The following MAPKAP1 variants were observed in gnomAD, a reference collection of about 807,000 sequenced individuals.
The protein encoded by MAPKAP1 is MAPK associated protein 1, also known as target of rapamycin complex 2 subunit MAPKAP1.
Under a neutral mutation model 65.7 loss-of-function variants are expected in MAPKAP1, and 20 were observed. That is an observed-to-expected ratio of 0.30 (90% confidence interval 0.21 to 0.44). The LOEUF (loss-of-function observed/expected upper bound fraction) is 0.44, where lower values mean the gene tolerates loss of function less well. Among genes scored for constraint, MAPKAP1 ranks in the 20% least tolerant of loss-of-function variants. MAPKAP1 has a pLI of 1.00. For missense variants in MAPKAP1, 423 were observed against 648.0 expected, an observed-to-expected ratio of 0.65 and a Z score of 3.77; for synonymous variants, 222 against 244.3, an observed-to-expected ratio of 0.91 and a Z score of 0.85.
chr9:125,573,496 C>T (rs1019794319), intron 5 of MAPKAP1, among the ~76,000 whole-genome samples: 15 of 152,248 alleles, frequency 9.9e-5, no homozygotes, highest in Non-Finnish European at 1.8e-4. Context: ...TAAAAATGGG[C>T]AACCAGCAGC....
chr9:125,477,043 A>C (rs144408595), intron 9 of MAPKAP1, among the ~76,000 whole-genome samples: 55 of 152,362 alleles, frequency 3.6e-4, no homozygotes, highest in African/African-American at 1.1e-3. Context: ...GAACTACCAT[A>C]ATCACAAGTC....
Position 125,514,159 on chromosome 9 carries a change from T to C in MAPKAP1, c.959-7742A>G, listed in dbSNP as rs534755833. Among the ~76,000 whole-genome samples the C allele has an allele frequency of 5.9e-5, 9 of 152,220 alleles. No homozygotes were observed. The South Asian group carries it at 1.7e-3, about 28-fold the overall frequency. On this transcript the variant is annotated intron_variant, in intron 7 of 11. Transcript: ENST00000265960. Reference sequence around the variant, plus strand: ...TGGCTTCTGCACGTGCCATTCCCTCTTCCCTCTTCTTCACCTAGCTCTGAG... The same window carrying C: ...TGGCTTCTGCACGTGCCATTCCCTCCTCCCTCTTCTTCACCTAGCTCTGAG...
At chr9:125,622,443 T>C (rs958172596) in intron 4 of MAPKAP1, among the ~76,000 whole-genome samples, 4 of 152,234 alleles carry the variant, frequency 2.6e-5, no homozygotes, top group Non-Finnish European at 4.4e-5. Context: ...TTTTATTTTA[T>C]ATTTTATTTT....
At position 125,438,374 on chromosome 9, in the gene MAPKAP1, G is replaced by T; in HGVS notation, c.*513C>A. ...ATTTCTTCTGAGAAATCGAACCATA[G>T]CTTTTCCAATCTGCCTGTTCAATAT... On this transcript the variant is annotated 3_prime_UTR_variant, in exon 12 of 12. Transcript: ENST00000265960. 2.5e-6 allele frequency: 1 copy of T among 399,222 alleles called. No individual in the cohort carries two copies. The allele number at this position is 399,222 out of a possible 1,614,324, so 24.7% of individuals were successfully genotyped here.
intron 4 of MAPKAP1, among the ~76,000 whole-genome samples, chr9:125,623,065 C>A (rs923695794): frequency 6.6e-6 from 1 of 151,170 alleles, no homozygotes; most frequent in East Asian, 2.0e-4. Flanking sequence ...CCCGAGGTGC[C>A]GGGATTGCAG....
intron 5 of MAPKAP1, among the ~76,000 whole-genome samples, chr9:125,582,677 C>T (rs1831660520): frequency 6.6e-6 from 1 of 152,202 alleles, no homozygotes; most frequent in Non-Finnish European, 1.5e-5. Context: ...AAATGAGCCA[C>T]AGACCCAAGC....
In MAPKAP1 at chr9:125,506,302, C is replaced by T; in HGVS notation, c.1066+8G>A. ...CAAAGCGGGCATGGAGCGAGGCGGC[C>T]AACGTACTGTTCTCGCGGACCAGGC... On this transcript the variant is annotated splice_region_variant and intron_variant, in intron 8 of 11. Coordinates refer to ENST00000265960, the MANE Select transcript of MAPKAP1 (RefSeq NM_001006617.3). 3 of 1,612,564 alleles carry T rather than the reference C, an allele frequency of 1.9e-6. No individual in the cohort carries two copies. Among genetic ancestry groups the T allele is most frequent in the Non-Finnish European group, 2.5e-6 (3 of 1,178,680 alleles).
At chr9:125,543,924 G>A (rs1346577981) in intron 6 of MAPKAP1, among the ~76,000 whole-genome samples, 1 of 152,162 alleles carries the variant, frequency 6.6e-6, no homozygotes, top group East Asian at 1.9e-4. Context: ...ACAAAAAAAC[G>A]TCATGTGGGG....
chr9:125,690,752 G>A (rs540877752), intron 1 of MAPKAP1, among the ~76,000 whole-genome samples: 49 of 152,248 alleles, frequency 3.2e-4, no homozygotes, highest in African/African-American at 7.9e-4. Context: ...ACACAGCATC[G>A]GACAAGGCAC....
chr9:125,536,683 T>C (rs1276963925), intron 7 of MAPKAP1, among the ~76,000 whole-genome samples: 1 of 152,224 alleles, frequency 6.6e-6, no homozygotes, highest in Non-Finnish European at 1.5e-5. Flanking sequence ...CAAACTCTAC[T>C]TTGATAGAAG....
intron 4 of MAPKAP1, among the ~76,000 whole-genome samples, chr9:125,606,807 C>A (rs1035807795): frequency 6.6e-5 from 10 of 152,156 alleles, no homozygotes; most frequent in African/African-American, 2.4e-4. Context: ...CTGAAGAAAA[C>A]CCGAATCTTC....
chr9:125,440,571 A>G (rs1852442232), intron 11 of MAPKAP1, among the ~76,000 whole-genome samples: 1 of 152,134 alleles, frequency 6.6e-6, no homozygotes, highest in African/African-American at 2.4e-5. Context: ...GACTCCGAGA[A>G]GGAACCAGAG....
chr9:125,547,352 A>ACC (rs1340174804), intron 6 of MAPKAP1, among the ~76,000 whole-genome samples: 1 of 152,202 alleles, frequency 6.6e-6, no homozygotes, highest in African/African-American at 2.4e-5. Context: ...TGGAGAGGAA[A>ACC]GGGCATAGGC....
intron 4 of MAPKAP1, among the ~76,000 whole-genome samples, chr9:125,586,002 C>A (rs1831772984): frequency 6.6e-6 from 1 of 152,092 alleles, no homozygotes; most frequent in African/African-American, 2.4e-5. Flanking sequence ...GAGTAGAGTT[C>A]ATGTTTGGTG....
chr9:125,693,949 C>G (rs1462837570), intron 1 of MAPKAP1, among the ~76,000 whole-genome samples: 1 of 151,868 alleles, frequency 6.6e-6, no homozygotes, highest in Non-Finnish European at 1.5e-5. Flanking sequence ...AGGAAGTTCC[C>G]TTGAGCCCAG....
At chr9:125,679,197 T>C (rs556883817) in intron 1 of MAPKAP1, among the ~76,000 whole-genome samples, 1 of 152,294 alleles carries the variant, frequency 6.6e-6, no homozygotes, top group African/African-American at 2.4e-5. Context: ...AGACAGGGTT[T>C]CACTATGTTG....
intron 4 of MAPKAP1, among the ~76,000 whole-genome samples, chr9:125,650,711 T>C (rs2131735647): frequency 6.6e-6 from 1 of 152,310 alleles, no homozygotes; most frequent in South Asian, 2.1e-4. Context: ...ACTGCAGAAA[T>C]GAGGCCTAGA....
chr9:125,517,922 T>TAGCC (rs1487826126), intron 7 of MAPKAP1, among the ~76,000 whole-genome samples: 2 of 151,954 alleles, frequency 1.3e-5, no homozygotes, highest in African/African-American at 4.9e-5. Context: ...TCCCCCCACC[T>TAGCC]AGCCAGCATC....
intron 7 of MAPKAP1, among the ~76,000 whole-genome samples, chr9:125,533,509 G>C (rs1218621027): frequency 6.6e-6 from 1 of 152,026 alleles, no homozygotes; most frequent in Admixed American, 6.6e-5. Context: ...GAGTACAGTG[G>C]CACGATCTTG....
Sources: gnomAD v4.1 joint callset for allele counts (sites outside exome capture counted in the v4.1 genomes callset) on GRCh38, gnomAD v4.1.1 for gene constraint, MANE v1.5 for transcripts, NCBI Gene and HGNC (gene_info 2026-07-23, HGNC 2026-07-21) for gene names.